Variants in F13A1 observed in about 807,000 individuals in gnomAD.
The protein encoded by F13A1 is coagulation factor XIII A chain, also known as FSF, A subunit.
F13A1 carries 47 observed loss-of-function variants against 80.1 expected under a neutral mutation model. That is an observed-to-expected ratio of 0.59 (90% CI 0.46 to 0.75). The LOEUF (loss-of-function observed/expected upper bound fraction) is 0.75, where lower values mean the gene tolerates loss of function less well. F13A1 is among the 30% of genes least tolerant of loss of function. The probability of loss-of-function intolerance (pLI) is 0.00; values close to 1 mark genes in which losing one functional copy is unlikely to be tolerated. For missense variants in F13A1, 817 were observed against 930.4 expected (o/e 0.88, Z 1.59); for synonymous variants, 349 against 344.9 (o/e 1.01, Z -0.13).
chr6:6,172,464 G>A (rs1222670245), intron 12 of F13A1, among the ~76,000 whole-genome samples: 1 of 72,908 alleles, frequency 1.4e-5, no homozygotes, highest in Non-Finnish European at 2.7e-5. Flanking sequence ...TTTTTTTTTT[G>A]AGATGAAGTC....
At chr6:6,158,062 G>A (rs1293686509) in intron 13 of F13A1, among the ~76,000 whole-genome samples, 2 of 152,124 alleles carry the variant, frequency 1.3e-5, no homozygotes, top group African/African-American at 2.4e-5. Flanking sequence ...TGTGAAAGTA[G>A]CCACGAGGGG....
intron 6 of F13A1, among the ~76,000 whole-genome samples, chr6:6,226,821 A>T (rs1470192833): frequency 6.6e-6 from 1 of 152,210 alleles, no homozygotes; most frequent in Non-Finnish European, 1.5e-5. Flanking sequence ...TCAAGAAACC[A>T]ATCAAGTGGA....
At chr6:6,212,098 G>T (rs1356604561) in intron 8 of F13A1, among the ~76,000 whole-genome samples, 2 of 152,258 alleles carry the variant, frequency 1.3e-5, no homozygotes, top group African/African-American at 2.4e-5. Context: ...AGCAAGGCTG[G>T]CGGAGGGGCG....
chr6:6,190,809 G>T (rs796719495), intron 10 of F13A1, among the ~76,000 whole-genome samples: 3 of 135,286 alleles, frequency 2.2e-5, no homozygotes, highest in Non-Finnish European at 3.2e-5. Flanking sequence ...AATGGTGGGC[G>T]CCCCTCCCCC....
intron 13 of F13A1, among the ~76,000 whole-genome samples, chr6:6,166,262 A>C (rs1451806756): frequency 6.6e-6 from 1 of 152,168 alleles, no homozygotes; most frequent in Non-Finnish European, 1.5e-5. Context: ...CAACCATGTA[A>C]AGTGCTTTAA....
At chr6:6,275,396 G>A (rs898407949) in intron 3 of F13A1, among the ~76,000 whole-genome samples, 2 of 152,046 alleles carry the variant, frequency 1.3e-5, no homozygotes, top group Non-Finnish European at 2.9e-5. Flanking sequence ...TGGAGACGGA[G>A]TCTTGCTCTG....
At chr6:6,292,711 T>C (rs1488089435) in intron 3 of F13A1, among the ~76,000 whole-genome samples, 7 of 152,246 alleles carry the variant, frequency 4.6e-5, no homozygotes, top group Non-Finnish European at 8.8e-5. Context: ...ATGCAGAACA[T>C]GTGCAGTTGA....
chr6:6,206,922 G>GT (rs1293235090), intron 8 of F13A1, among the ~76,000 whole-genome samples: 2 of 151,238 alleles, frequency 1.3e-5, no homozygotes, highest in Admixed American at 1.3e-4. Context: ...CACTTGTGTA[G>GT]TGGTTAAGAG....
At chr6:6,206,770 C>T (rs561702773) in intron 8 of F13A1, among the ~76,000 whole-genome samples, 1 of 151,464 alleles carries the variant, frequency 6.6e-6, no homozygotes, top group African/African-American at 2.4e-5. Flanking sequence ...ATATCATGCC[C>T]CGTAATGTAT....
At chr6:6,217,990 G>A (rs781635807) in intron 8 of F13A1, among the ~76,000 whole-genome samples, 1 of 151,842 alleles carries the variant, frequency 6.6e-6, no homozygotes, top group African/African-American at 2.4e-5. Context: ...GTTACATGCT[G>A]ACAAAACAAC....
At chr6:6,280,532 A>G (rs1022351110) in intron 3 of F13A1, among the ~76,000 whole-genome samples, 3 of 152,042 alleles carry the variant, frequency 2.0e-5, no homozygotes, top group Admixed American at 6.5e-5. Flanking sequence ...ATTACCGCTT[A>G]TATTTAAAAG....
In F13A1 at chr6:6,182,042, G is replaced by T. The variant is rs150455213; in HGVS notation, c.1405C>A (p.Gln469Lys). 6.2e-7 allele frequency: 1 copy of T among 1,614,134 alleles called. No homozygotes were observed. The highest frequency in any genetic ancestry group is 8.5e-7 in the Non-Finnish European group (1 of 1,180,000). Residue 469 changes from glutamine (Q) to lysine (K), a missense_variant, in exon 11 of 15, where the codon CAA (glutamine) becomes AAA (lysine). Gln to Lys is a moderately conservative substitution (Grantham distance 53). Coordinates refer to ENST00000264870, the MANE Select transcript of F13A1 (RefSeq NM_000129.4). Reference protein sequence around the residue: ...THIGKLIVTKQIGGDGMMDIT... With the variant: ...THIGKLIVTKKIGGDGMMDIT... ...TCCATCATGCCATCTCCTCCAATTT[G>T]TTTGGTCACAATTAATTTCCCAATG...
chr6:6,240,715 A>T (rs1227122791), intron 6 of F13A1, among the ~76,000 whole-genome samples: 1 of 152,178 alleles, frequency 6.6e-6, no homozygotes, highest in Non-Finnish European at 1.5e-5. Flanking sequence ...ATATCTGTCA[A>T]TTTTTTAAAA....
intron 8 of F13A1, among the ~76,000 whole-genome samples, chr6:6,209,205 T>C (rs532059190): frequency 2.6e-5 from 4 of 151,238 alleles, no homozygotes; most frequent in African/African-American, 7.3e-5. Flanking sequence ...AAAGAAGATA[T>C]ACACAGGGCC....
At chr6:6,157,941 G>C (rs3024454) in intron 13 of F13A1, among the ~76,000 whole-genome samples, 41,933 of 152,102 alleles carry the variant, frequency 0.28, 6,170 homozygotes, top group African/African-American at 0.39. Context: ...GTCCTGAAGA[G>C]AGAGATGGAA....
chr6:6,257,591 C>T (rs375991737), intron 4 of F13A1, among the ~76,000 whole-genome samples: 6 of 152,304 alleles, frequency 3.9e-5, no homozygotes, highest in African/African-American at 1.4e-4. Context: ...CACCGCTTCT[C>T]TTGGAGACCC....
intron 6 of F13A1, among the ~76,000 whole-genome samples, chr6:6,225,255 TTGG>T (rs1287668183): frequency 1.3e-5 from 2 of 152,122 alleles, no homozygotes; most frequent in Non-Finnish European, 1.5e-5. Context: ...GGAACTTGTC[TTGG>T]TGGAAAGATA....
At chr6:6,281,492 C>T (rs140831158) in intron 3 of F13A1, among the ~76,000 whole-genome samples, 31 of 152,272 alleles carry the variant, frequency 2.0e-4, no homozygotes, top group Non-Finnish European at 5.9e-5. Context: ...CCCTAAGGGA[C>T]GACACTAGGT....
intron 13 of F13A1, among the ~76,000 whole-genome samples, chr6:6,166,045 G>A (rs907632397): frequency 3.9e-5 from 6 of 152,244 alleles, no homozygotes; most frequent in African/African-American, 1.4e-4. Flanking sequence ...CAATTACACA[G>A]GACCAGACCA....
Sources: allele counts gnomAD v4.1 joint callset (sites outside exome capture counted in the v4.1 genomes callset), GRCh38; gene constraint gnomAD v4.1.1; transcripts MANE v1.5; gene names NCBI Gene and HGNC (gene_info 2026-07-23, HGNC 2026-07-21).